The following ORC3 variants were observed in gnomAD, a reference collection of about 807,000 sequenced individuals.
ORC3 encodes homolog of latheo, Drosophila.
In ORC3, 78 loss-of-function variants were observed where a neutral mutation model predicts 100.7. The observed-to-expected ratio is 0.77, with a 90% confidence interval of 0.65 to 0.94. ORC3 has a LOEUF of 0.94. Among genes scored for constraint, ORC3 ranks in the 40% least tolerant of loss-of-function variants. The pLI is 0.00. For missense variants in ORC3, 789 were observed against 823.9 expected (o/e 0.96, Z 0.52); for synonymous variants, 295 against 289.3 (o/e 1.02, Z -0.20).
the ORC3 span, among the ~76,000 whole-genome samples, chr6:87,673,554 T>C: frequency 0.091 from 13,754 of 151,726 alleles, 675 homozygotes; most frequent in African/African-American, 0.13. Context: ...TAAAAGGGGG[T>C]AGAATTGGCC....
chr6:87,618,511 G>GA (rs1779319364), intron 9 of ORC3, among the ~76,000 whole-genome samples: 1 of 152,134 alleles, frequency 6.6e-6, no homozygotes, highest in African/African-American at 2.4e-5. Context: ...TCAGTGCTAT[G>GA]AAAGAAACAT....
At chr6:87,612,890 G>A (rs919709852) in intron 8 of ORC3, among the ~76,000 whole-genome samples, 14 of 152,220 alleles carry the variant, frequency 9.2e-5, no homozygotes, top group Non-Finnish European at 1.5e-5. Flanking sequence ...TTACAGGCAT[G>A]AGCCGCCACA....
chr6:87,631,583 C>T (rs990935309), intron 11 of ORC3, among the ~76,000 whole-genome samples: 1 of 152,038 alleles, frequency 6.6e-6, no homozygotes, highest in African/African-American at 2.4e-5. Flanking sequence ...ACCTCCGCCT[C>T]CTGGGTTCAA....
chr6:87,614,210 G>A (rs1778987236), intron 8 of ORC3, among the ~76,000 whole-genome samples: 1 of 152,212 alleles, frequency 6.6e-6, no homozygotes, highest in East Asian at 1.9e-4. Flanking sequence ...GCCAGGGCTT[G>A]GGGCTTGCAC....
chr6:87,603,023 A>G (rs1408837345), intron 3 of ORC3, among the ~76,000 whole-genome samples: 1 of 142,686 alleles, frequency 7.0e-6, no homozygotes, highest in African/African-American at 2.6e-5. Context: ...TCTGTCACCC[A>G]GGCTGGCGTG....
chr6:87,618,688 A>G (rs1779333027), intron 9 of ORC3, among the ~76,000 whole-genome samples: 1 of 152,176 alleles, frequency 6.6e-6, no homozygotes, highest in Non-Finnish European at 1.5e-5. Context: ...AGGTAATGGT[A>G]GTGGAACTGG....
intron 11 of ORC3, among the ~76,000 whole-genome samples, chr6:87,627,097 A>T (rs1250587230): frequency 1.3e-5 from 2 of 151,760 alleles, no homozygotes; most frequent in African/African-American, 2.4e-5. Flanking sequence ...TCCCAGGTTC[A>T]AGAAGTTCTC....
the ORC3 span, chr6:87,677,768 C>T: frequency 6.4e-7 from 1 of 1,570,836 alleles, no homozygotes; most frequent in East Asian, 2.3e-5. Context: ...GTGGAAAATG[C>T]ATTTCACACA....
chr6:87,609,206 A>T lies in ORC3; in HGVS notation c.690A>T (p.Leu230=). The change falls in exon 7 of 20, where the codon CTA becomes CTT. Residue 230 remains leucine (L), a synonymous_variant. Transcript: ENST00000392844. ...KDMESFATKV[L]QDFIIISSQH... is the part of the protein sequence containing the mutation. The stretch of plus-strand genomic sequence containing the variant: ...TGGAAAGCTTTGCCACAAAAGTACT[A>T]CAAGACTTCATAATTATCAGCAGGT... 6.2e-7 allele frequency: 1 copy of T among 1,600,500 alleles called. No homozygotes were observed. The highest frequency in any genetic ancestry group is 8.5e-7 in the Non-Finnish European group (1 of 1,176,148).
intron 13 of ORC3, 146 bp downstream of exon 13, chr6:87,636,632 C>T: frequency 1.6e-6 from 1 of 619,318 alleles, no homozygotes; most frequent in Non-Finnish European, 2.9e-6. Context: ...TTGAATTTAT[C>T]CATGTAGCTT....
rs867357218 is a variant in ORC3 at position 87,618,906 on chromosome 6, G to A, written c.988-2448G>A. Among the ~76,000 whole-genome samples, 9 of 152,146 alleles carry A rather than the reference G, an allele frequency of 5.9e-5. 1 individual carries two copies. The South Asian group carries it at 1.7e-3, about 28-fold the overall frequency. On this transcript the variant is annotated intron_variant, in intron 9 of 19. Transcript: ENST00000392844. Reference sequence around the variant, plus strand: ...ATGTTAATACATAGCAAAGAGCAAGGTTGTTGTGAGAAAAGGATGAGTTTC... The same window carrying A: ...ATGTTAATACATAGCAAAGAGCAAGATTGTTGTGAGAAAAGGATGAGTTTC...
intron 11 of ORC3, among the ~76,000 whole-genome samples, chr6:87,628,149 A>G (rs760154815): frequency 1.1e-4 from 17 of 152,300 alleles, no homozygotes; most frequent in South Asian, 2.1e-4. Context: ...ACATGTTCTC[A>G]TTTGTGAGTG....
intron 11 of ORC3, among the ~76,000 whole-genome samples, chr6:87,628,353 C>T (rs1780075842): frequency 6.6e-6 from 1 of 152,130 alleles, no homozygotes; most frequent in Non-Finnish European, 1.5e-5. Flanking sequence ...TAAAACTTTA[C>T]CTGACTAAAC....
chr6:87,607,795 C>G lies in ORC3; in HGVS notation c.550C>G (p.Leu184Val). 1 of 1,612,310 alleles carries G rather than the reference C, an allele frequency of 6.2e-7. No individual in the cohort carries two copies. The highest frequency in any genetic ancestry group is 1.1e-5 in the South Asian group (1 of 90,830). The change falls in exon 6 of 20, where the codon CTT becomes GTT. Residue 184 changes from leucine (L) to valine (V), a missense_variant. By Grantham distance (32) the Leu-to-Val change is conservative. Transcript: ENST00000392844. Reference sequence around the variant, plus strand: ...AAAGACACATTATTCAATGGATTCACTTTCCAGTTGGTATATGACTGTCAC... The same window carrying G: ...AAAGACACATTATTCAATGGATTCAGTTTCCAGTTGGTATATGACTGTCAC... ...QRKTHYSMDS[L>V]SSWYMTVTQK... is the part of the protein sequence containing the mutation.
chr6:87,602,982 T>TATATATATATATATAC (rs1457671076), intron 3 of ORC3, among the ~76,000 whole-genome samples: 1 of 135,876 alleles, frequency 7.4e-6, no homozygotes, highest in Non-Finnish European at 1.5e-5. Flanking sequence ...CATATATATA[T>TATATATATATATATAC]ACAATTTTTT....
At chr6:87,646,809 C>T (rs1489698054) in intron 13 of ORC3, among the ~76,000 whole-genome samples, 1 of 152,240 alleles carries the variant, frequency 6.6e-6, no homozygotes, top group African/African-American at 2.4e-5. Context: ...TCCTGAGTGC[C>T]AGGCTGTTAT....
At position 87,614,897 on chromosome 6, in the gene ORC3, C is replaced by T. The variant is rs532946718; in HGVS notation, c.874-1417C>T. The stretch of plus-strand genomic sequence containing the variant: ...CACATTTTCCTGTCTTCTGAGCCCT[C>T]CAAACTGTTCCAACCTCTGCCTGTC... On this transcript the variant is annotated intron_variant, in intron 8 of 19. Coordinates refer to ENST00000392844, the MANE Select transcript of ORC3 (RefSeq NM_012381.4). Among the ~76,000 whole-genome samples the T allele has an allele frequency of 3.3e-5, 5 of 152,322 alleles. No individual in the cohort carries two copies. In the East Asian group the frequency reaches 9.6e-4, roughly 29 times the overall value.
intron 8 of ORC3, among the ~76,000 whole-genome samples, chr6:87,614,140 A>G (rs888403144): frequency 2.6e-5 from 4 of 152,176 alleles, no homozygotes; most frequent in African/African-American, 9.7e-5. Context: ...TCTGAAATCT[A>G]GACGGAGGTT....
In ORC3 at chr6:87,663,151, T is replaced by C; in HGVS notation, c.1833+7T>C. On this transcript the variant is annotated splice_region_variant and intron_variant, in intron 17 of 19. Coordinates refer to ENST00000392844, the MANE Select transcript of ORC3 (RefSeq NM_012381.4). ...TCCTTACTATTATCTCAAGGTAAGA[T>C]GAACATTTAGTTTTCTGATAGTTTA... 1 of 1,605,386 alleles carries C rather than the reference T, an allele frequency of 6.2e-7. No individual in the cohort carries two copies. The highest frequency in any genetic ancestry group is 8.5e-7 in the Non-Finnish European group (1 of 1,173,492).
Sources: allele counts gnomAD v4.1 joint callset (sites outside exome capture counted in the v4.1 genomes callset), GRCh38; gene constraint gnomAD v4.1.1; transcripts MANE v1.5; gene names NCBI Gene and HGNC (gene_info 2026-07-23, HGNC 2026-07-21).